Variants in OPALIN observed in about 807,000 individuals in gnomAD.
OPALIN encodes the protein oligodendrocytic myelin paranodal and inner loop protein.
Under a neutral mutation model 17.8 loss-of-function variants are expected in OPALIN, and 15 were observed. The ratio of observed to expected loss-of-function variants is 0.84; its 90% CI spans 0.56 to 1.29. OPALIN has a LOEUF of 1.29. Among genes scored for constraint, OPALIN ranks in the 50% most tolerant of loss-of-function variants. OPALIN has a pLI of 0.00. For synonymous variants in OPALIN, 62 were observed against 63.8 expected (o/e 0.97, Z 0.14); for missense variants, 170 against 176.0 (o/e 0.97, Z 0.19).
chr10:96,356,453 A>C (rs1845822543), intron 1 of OPALIN, among the ~76,000 whole-genome samples: 1 of 152,232 alleles, frequency 6.6e-6, no homozygotes, highest in Non-Finnish European at 1.5e-5. Context: ...CCAGCAGAGG[A>C]AACTGAAACC....
chr10:96,355,055 C>T (rs1489466532), intron 2 of OPALIN, among the ~76,000 whole-genome samples, 200 bp downstream of exon 2: 5 of 119,802 alleles, frequency 4.2e-5, no homozygotes, highest in African/African-American at 6.5e-5. Context: ...CGAGATCATG[C>T]CACTGCACTC....
At position 96,345,425 on chromosome 10, in the gene OPALIN, T is replaced by A. The variant is rs946345445; in HGVS notation, c.*516A>T. ...TGTGTGACATGATTGAGCCAGGTGC[T>A]TCCCTGTGGTCAGGGAATGTGTGGC... On this transcript the variant is annotated 3_prime_UTR_variant, in exon 6 of 6. Transcript: ENST00000371172. 6.5e-6 allele frequency: 1 copy of A among 152,712 alleles called. No individual in the cohort carries two copies. The highest frequency in any genetic ancestry group is 2.4e-5 in the African/African-American group (1 of 41,446). 9.5% of individuals were successfully genotyped at this position (152,712 alleles called of 1,614,324 possible).
rs561917568 is a variant in OPALIN, at chr10:96,345,417, C to T, written c.*524G>A. ...TCCACTGCTGTGTGACATGATTGAGCCAGGTGCTTCCCTGTGGTCAGGGAA... is the reference window on the plus strand; with the variant it reads ...TCCACTGCTGTGTGACATGATTGAGTCAGGTGCTTCCCTGTGGTCAGGGAA... On this transcript the variant is annotated 3_prime_UTR_variant, in exon 6 of 6. Coordinates refer to ENST00000371172, the MANE Select transcript of OPALIN (RefSeq NM_033207.5). 6.6e-6 allele frequency: 1 copy of T among 152,590 alleles called. No homozygotes were observed. Among genetic ancestry groups the T allele is most frequent in the African/African-American group, 2.4e-5 (1 of 41,430 alleles). 9.5% of individuals were successfully genotyped at this position (152,590 alleles called of 1,614,324 possible). A position where few individuals can be genotyped will look rare whatever the true frequency, so the allele number is the denominator to read the frequency against.
chr10:96,357,454 A>G (rs1259742531), intron 1 of OPALIN, among the ~76,000 whole-genome samples: 1 of 152,184 alleles, frequency 6.6e-6, no homozygotes, highest in African/African-American at 2.4e-5. Context: ...GAGTGGGATG[A>G]TGCAACCCTG....
At position 96,345,144 on chromosome 10, in the gene OPALIN, G is replaced by A. The variant is rs11188725; in HGVS notation, c.*797C>T. ...GGGGAACAAATGCTGGTGATTAGCT[G>A]TTTTATCAGGCAAGCAATATGGGAA... On this transcript the variant is annotated 3_prime_UTR_variant, in exon 6 of 6. Coordinates refer to ENST00000371172, the MANE Select transcript of OPALIN (RefSeq NM_033207.5). 23,783 of 152,188 alleles carry A rather than the reference G, an allele frequency of 0.16. 2,482 individuals carry two copies. The highest frequency in any genetic ancestry group is 0.53 in the East Asian group (2,718 of 5,170). The allele number at this position is 152,188 out of a possible 1,614,324, so 9.4% of individuals were successfully genotyped here.
At chr10:96,347,211 C>T (rs1845370105) in intron 5 of OPALIN, among the ~76,000 whole-genome samples, 1 of 151,888 alleles carries the variant, frequency 6.6e-6, no homozygotes, top group Non-Finnish European at 1.5e-5. Context: ...CCTGCTTCAG[C>T]CCCCCACGAA....
At chr10:96,349,961 T>C (rs1348316194) in intron 3 of OPALIN, 135 bp from the exon 4 acceptor site, 5 of 921,732 alleles carry the variant, frequency 5.4e-6, no homozygotes, top group South Asian at 2.0e-5. Context: ...AAAAGGGTAA[T>C]GAAATACTGT....
At chr10:96,355,393 A>T (rs902794841) in intron 1 of OPALIN, 103 bp from the exon 2 acceptor site, 1 of 1,055,234 alleles carries the variant, frequency 9.5e-7, no homozygotes, top group Non-Finnish European at 1.5e-6. Flanking sequence ...GAGGTCATTG[A>T]TCCTATAGAC....
intron 1 of OPALIN, 118 bp downstream of exon 1, chr10:96,358,776 A>C: frequency 9.6e-7 from 1 of 1,041,756 alleles, no homozygotes. Flanking sequence ...TATTTTGCAT[A>C]TAGGAAAATA....
intron 4 of OPALIN, 112 bp downstream of exon 4, chr10:96,349,595 T>C (rs1845484894): frequency 8.2e-7 from 1 of 1,225,510 alleles, no homozygotes; most frequent in East Asian, 2.4e-5. Flanking sequence ...CAGCATCTTG[T>C]CCTCAGGAAA....
intron 5 of OPALIN, among the ~76,000 whole-genome samples, chr10:96,347,587 T>C (rs959967649): frequency 6.6e-6 from 1 of 151,682 alleles, no homozygotes; most frequent in Admixed American, 6.6e-5. Flanking sequence ...TTCTCTTCCC[T>C]CAGCCTCCCG....
chr10:96,353,586 G>C, intron 2 of OPALIN: 1 of 745,410 alleles, frequency 1.3e-6, no homozygotes, highest in South Asian at 1.5e-5. Context: ...TGTTAACCAA[G>C]AGAGTACTCC....
At chr10:96,355,419 C>T (rs1261503484) in intron 1 of OPALIN, 129 bp from the exon 2 acceptor site, 15 of 738,616 alleles carry the variant, frequency 2.0e-5, no homozygotes, top group Middle Eastern at 4.0e-4. Flanking sequence ...CAGCCCCCAT[C>T]GTCCTGCACA....
At chr10:96,358,803 CT>C in intron 1 of OPALIN, 90 bp downstream of exon 1, 1 of 1,321,112 alleles carries the variant, frequency 7.6e-7, no homozygotes, top group African/African-American at 1.4e-5. Context: ...AATAAAGTCC[CT>C]TTACTTCATT....
intron 5 of OPALIN, among the ~76,000 whole-genome samples, chr10:96,347,059 T>C (rs1845361617): frequency 1.3e-5 from 2 of 152,062 alleles, no homozygotes; most frequent in Admixed American, 1.3e-4. Context: ...GATTTAGCTT[T>C]TCTTTTCTTT....
chr10:96,354,556 A>G (rs1845723891), intron 2 of OPALIN, among the ~76,000 whole-genome samples: 1 of 152,216 alleles, frequency 6.6e-6, no homozygotes, highest in Non-Finnish European at 1.5e-5. Flanking sequence ...AGACTAGTGG[A>G]AAACATTTAG....
At chr10:96,348,178 A>C (rs78860361) in intron 5 of OPALIN, 111 bp downstream of exon 5, 36,619 of 476,802 alleles carry the variant, frequency 0.077, 3,568 homozygotes, top group East Asian at 0.4. Flanking sequence ...CCTCTTGGTC[A>C]TCTCTTTTCT....
chr10:96,355,414 C>T, intron 1 of OPALIN, 124 bp from the exon 2 acceptor site: 1 of 793,724 alleles, frequency 1.3e-6, no homozygotes, highest in Admixed American at 2.2e-5. Flanking sequence ...TCAGCCAGCC[C>T]CCATCGTCCT....
intron 2 of OPALIN, among the ~76,000 whole-genome samples, chr10:96,354,410 T>A (rs1208386634): frequency 6.6e-6 from 1 of 152,238 alleles, no homozygotes; most frequent in Non-Finnish European, 1.5e-5. Flanking sequence ...AAGGATTCTC[T>A]AAAATGCCAT....
Sources: allele counts gnomAD v4.1 joint callset (sites outside exome capture counted in the v4.1 genomes callset), GRCh38; gene constraint gnomAD v4.1.1; transcripts MANE v1.5; gene names NCBI Gene and HGNC (gene_info 2026-07-23, HGNC 2026-07-21).